ZMYM4: variants seen among roughly 807,000 people sequenced by gnomAD.
The protein encoded by ZMYM4 is zinc finger MYM-type containing 4.
A neutral mutation model predicts 183.2 loss-of-function variants in ZMYM4; 31 were observed. That is an observed-to-expected ratio of 0.17 (90% CI 0.13 to 0.23). The LOEUF (loss-of-function observed/expected upper bound fraction) is 0.23, where lower values mean the gene tolerates loss of function less well. Among genes scored for constraint, ZMYM4 ranks in the 10% least tolerant of loss-of-function variants. The pLI, the probability that ZMYM4 is intolerant of heterozygous loss-of-function variation, is 1.00. For synonymous variants in ZMYM4, 592 were observed against 631.2 expected (o/e 0.94, Z 0.93); for missense variants, 1,273 against 1,840.3 (o/e 0.69, Z 5.64).
chr1:35,282,524 G>A (rs971663437), intron 1 of ZMYM4, among the ~76,000 whole-genome samples: 2 of 152,012 alleles, frequency 1.3e-5, no homozygotes, highest in Non-Finnish European at 2.9e-5. Flanking sequence ...GGATTTGCTG[G>A]GTTATATAGG....
At chr1:35,370,846 T>A in intron 7 of ZMYM4, 1 of 475,534 alleles carries the variant, frequency 2.1e-6, no homozygotes. Context: ...TCAATAATGT[T>A]ACTTTTATGT....
intron 2 of ZMYM4, among the ~76,000 whole-genome samples, chr1:35,330,498 G>A (rs184913715): frequency 1.3e-5 from 2 of 152,286 alleles, no homozygotes; most frequent in East Asian, 1.9e-4. Context: ...GCTTCTTGAA[G>A]AACTTTCCTG....
chr1:35,357,946 TA>T (rs1372987143), intron 2 of ZMYM4, among the ~76,000 whole-genome samples: 1 of 152,072 alleles, frequency 6.6e-6, no homozygotes, highest in Non-Finnish European at 1.5e-5. Flanking sequence ...GAGTATAAAA[TA>T]AATTATAAGG....
chr1:35,335,209 G>A (rs1041476266), intron 2 of ZMYM4, among the ~76,000 whole-genome samples: 1 of 149,908 alleles, frequency 6.7e-6, no homozygotes, highest in African/African-American at 2.4e-5. Context: ...ATCATGCTGT[G>A]TGTTACCACT....
At chr1:35,353,015 A>G (rs1403558453) in intron 2 of ZMYM4, among the ~76,000 whole-genome samples, 5 of 152,222 alleles carry the variant, frequency 3.3e-5, no homozygotes. Context: ...AAAATCTACC[A>G]TCCCAAAACC....
intron 2 of ZMYM4, among the ~76,000 whole-genome samples, chr1:35,352,782 G>T (rs1384641822): frequency 6.6e-6 from 1 of 152,078 alleles, no homozygotes; most frequent in Non-Finnish European, 1.5e-5. Flanking sequence ...ATTTTGACCA[G>T]ATTTCTAAAT....
intron 26 of ZMYM4, 72 bp downstream of exon 26, chr1:35,408,231 C>T: frequency 3.2e-6 from 5 of 1,563,946 alleles, no homozygotes; most frequent in Admixed American, 3.4e-5. Flanking sequence ...ACAGAAATTA[C>T]ATGCACATGT....
chr1:35,357,928 CAGA>C (rs1429985729), intron 2 of ZMYM4, among the ~76,000 whole-genome samples: 4 of 151,914 alleles, frequency 2.6e-5, no homozygotes, highest in Non-Finnish European at 5.9e-5. Context: ...GCCATGTGAA[CAGA>C]AGAAGAGTAT....
At chr1:35,350,275 G>A (rs1171184669) in intron 2 of ZMYM4, among the ~76,000 whole-genome samples, 1 of 147,726 alleles carries the variant, frequency 6.8e-6, no homozygotes, top group Non-Finnish European at 1.5e-5. Context: ...AGAGAACCAT[G>A]ATTTCTAAAG....
At chr1:35,359,524 A>T in intron 3 of ZMYM4, 78 bp downstream of exon 3, 1 of 1,337,222 alleles carries the variant, frequency 7.5e-7, no homozygotes, top group Non-Finnish European at 1.0e-6. Flanking sequence ...ATTACTTTTG[A>T]TGTTAAGTGA....
chr1:35,291,682 G>A (rs1640770357), intron 1 of ZMYM4, among the ~76,000 whole-genome samples: 1 of 139,980 alleles, frequency 7.1e-6, no homozygotes, highest in Non-Finnish European at 1.5e-5. Context: ...TTGTCACCCC[G>A]GCTGGAGTGC....
chr1:35,308,939 T>C (rs1383664244), intron 1 of ZMYM4: 1 of 982,302 alleles, frequency 1.0e-6, no homozygotes, highest in Non-Finnish European at 1.2e-6. Flanking sequence ...TACCAAATAA[T>C]TGACATAGCA....
At chr1:35,321,216 G>A (rs571210161) in intron 1 of ZMYM4, among the ~76,000 whole-genome samples, 5 of 152,274 alleles carry the variant, frequency 3.3e-5, no homozygotes, top group African/African-American at 9.6e-5. Flanking sequence ...CACATTGGTC[G>A]TAGTATCACT....
chr1:35,392,758 A>G (rs2148994602), intron 17 of ZMYM4, 74 bp downstream of exon 17: 1 of 1,139,058 alleles, frequency 8.8e-7, no homozygotes, highest in Non-Finnish European at 1.2e-6. Context: ...ATATGTGTGA[A>G]CTAATTTGCC....
chr1:35,381,409 C>T lies in ZMYM4; in HGVS notation c.1332C>T (p.Cys444=), dbSNP rs776524635. 3 of 1,608,632 alleles carry T rather than the reference C, an allele frequency of 1.9e-6. No homozygotes were observed. The highest frequency in any genetic ancestry group is 2.6e-6 in the Non-Finnish European group (3 of 1,176,342). The part of the protein sequence containing the change: ...TINTNSISTK[C]SMCQKNAVIR... The stretch of plus-strand genomic sequence containing the variant: ...ATACAAATAGTATTTCAACCAAATG[C>T]AGCATGTGTCAGAAGAATGCTGTTG... Residue 444 remains cysteine (C), a synonymous_variant, in exon 8 of 30, where the codon TGC becomes TGT. Transcript: ENST00000314607.
At chr1:35,372,743 A>G (rs1408840595) in intron 7 of ZMYM4, among the ~76,000 whole-genome samples, 1 of 152,224 alleles carries the variant, frequency 6.6e-6, no homozygotes, top group Non-Finnish European at 1.5e-5. Context: ...CTAATCTGAA[A>G]ATCTGAAATT....
In ZMYM4 at chr1:35,396,626, C is replaced by T. The variant is rs755954530; in HGVS notation, c.2986C>T (p.Leu996Phe). The T allele has an allele frequency of 1.9e-6, 3 of 1,613,786 alleles. No homozygotes were observed. Among genetic ancestry groups the T allele is most frequent in the South Asian group, 2.2e-5 (2 of 91,064 alleles). ...AGTGTTTGTTCCCATACCTCTTCACCTTTATACTCAATATGCTCCAGTCCC... is the reference window on the plus strand; with the variant it reads ...AGTGTTTGTTCCCATACCTCTTCACTTTTATACTCAATATGCTCCAGTCCC... ...VPVFVPIPLH[L>F]YTQYAPVPFG... is the part of the protein sequence containing the mutation. The change falls in exon 19 of 30, where the codon CTT becomes TTT. Residue 996 changes from leucine to phenylalanine, a missense_variant. By Grantham distance (22) the Leu-to-Phe change is conservative. Coordinates refer to ENST00000314607, the MANE Select transcript of ZMYM4 (RefSeq NM_005095.3).
At chr1:35,379,417 G>T (rs999609106) in intron 7 of ZMYM4, among the ~76,000 whole-genome samples, 3 of 152,062 alleles carry the variant, frequency 2.0e-5, no homozygotes, top group Admixed American at 1.3e-4. Flanking sequence ...GCATTTTTTA[G>T]TAGAGTCGTG....
chr1:35,418,482 A>G lies in ZMYM4; in HGVS notation c.4349A>G (p.Asp1450Gly), dbSNP rs201975934. The change falls in exon 29 of 30, where the codon GAT (aspartate) becomes GGT (glycine). Residue 1450 changes from aspartate to glycine, a missense_variant. Coordinates refer to ENST00000314607, the MANE Select transcript of ZMYM4 (RefSeq NM_005095.3). ...TVGKRKRNED[D>G]EVPVGVEMAE... ...GGCAAGAGGAAACGAAATGAAGATG[A>G]TGAGGTTCCAGTGGGGGTGGAGATG... 5.9e-5 allele frequency: 95 copies of G among 1,613,992 alleles called. 1 individual carries two copies. Among genetic ancestry groups the G allele is most frequent in the Non-Finnish European group, 3.0e-5 (35 of 1,179,994 alleles).
Sources: allele counts gnomAD v4.1 joint callset (sites outside exome capture counted in the v4.1 genomes callset), GRCh38; gene constraint gnomAD v4.1.1; transcripts MANE v1.5; gene names NCBI Gene and HGNC (gene_info 2026-07-23, HGNC 2026-07-21).